The following ASXL1 variants were observed in gnomAD, a reference collection of about 807,000 sequenced individuals.
The protein encoded by ASXL1 is ASXL transcriptional regulator 1.
Under a neutral mutation model 89.1 loss-of-function variants are expected in ASXL1, and 65 were observed. The ratio of observed to expected loss-of-function variants is 0.73; its 90% confidence interval spans 0.60 to 0.90. The LOEUF (loss-of-function observed/expected upper bound fraction) is 0.90. Among genes scored for constraint, ASXL1 ranks in the 40% least tolerant of loss-of-function variants. ASXL1 has a pLI of 0.00. For missense variants in ASXL1, 1,786 were observed against 1,942.9 expected, an observed-to-expected ratio of 0.92 and a Z score of 1.52; for synonymous variants, 739 against 746.9, an observed-to-expected ratio of 0.99 and a Z score of 0.17.
chr20:32,383,783 C>T (rs1028096047), intron 4 of ASXL1, among the ~76,000 whole-genome samples: 2 of 152,188 alleles, frequency 1.3e-5, no homozygotes, highest in Admixed American at 1.3e-4. Flanking sequence ...GGGTGTAAAA[C>T]GCTAGTATCC....
At chr20:32,375,431 A>G (rs2048360838) in intron 4 of ASXL1, among the ~76,000 whole-genome samples, 1 of 149,408 alleles carries the variant, frequency 6.7e-6, no homozygotes, top group Admixed American at 6.8e-5. Flanking sequence ...CCTGGGTGAC[A>G]GAGCAAGACT....
intron 1 of ASXL1, among the ~76,000 whole-genome samples, chr20:32,362,761 GA>G (rs2048142069): frequency 1.3e-5 from 2 of 152,212 alleles, no homozygotes; most frequent in African/African-American, 4.8e-5. Context: ...TTATGCTGTT[GA>G]AAAATAGTCT....
Position 32,435,481 on chromosome 20 carries a change from GCCC to G in ASXL1, c.2771_2773del (p.Pro924del). On this transcript the variant is annotated inframe_deletion, in exon 13 of 13. Transcript: ENST00000375687. ...CCAGAGAACACATACCATCTGTTGA[GCCC>G]CAGGTTGGAGAGGAGTGGGAGAAAG... is the stretch of plus-strand genomic sequence containing the variant. 1 of 1,614,072 alleles carries G rather than the reference GCCC, an allele frequency of 6.2e-7. No individual in the cohort carries two copies. Among genetic ancestry groups the G allele is most frequent in the Non-Finnish European group, 8.5e-7 (1 of 1,180,036 alleles).
intron 4 of ASXL1, among the ~76,000 whole-genome samples, chr20:32,401,835 C>T (rs1230788911): frequency 2.0e-5 from 3 of 152,146 alleles, no homozygotes; most frequent in East Asian, 1.9e-4. Context: ...GGATTACAGG[C>T]GTGAGCCACT....
At chr20:32,372,945 CTT>C (rs71187111) in intron 4 of ASXL1, among the ~76,000 whole-genome samples, 5 of 136,520 alleles carry the variant, frequency 3.7e-5, no homozygotes, top group Non-Finnish European at 3.2e-5. Flanking sequence ...TTTTCTTTTT[CTT>C]TTTTTTTTTT....
At chr20:32,369,910 G>A (rs1043224882) in intron 4 of ASXL1, among the ~76,000 whole-genome samples, 3 of 151,436 alleles carry the variant, frequency 2.0e-5, no homozygotes, top group Non-Finnish European at 2.9e-5. Flanking sequence ...TAGTAGAGAC[G>A]GGGTTTCACC....
intron 4 of ASXL1, among the ~76,000 whole-genome samples, chr20:32,402,495 C>T (rs1414154261): frequency 6.6e-6 from 1 of 152,164 alleles, no homozygotes; most frequent in Non-Finnish European, 1.5e-5. Context: ...ATTGCTGGGT[C>T]GTATGATACA....
intron 4 of ASXL1, among the ~76,000 whole-genome samples, chr20:32,419,987 A>T (rs1040291025): frequency 2.0e-5 from 3 of 151,900 alleles, no homozygotes; most frequent in Admixed American, 6.6e-5. Flanking sequence ...GCTGATGGAT[A>T]AATTTTCTAA....
At chr20:32,384,076 A>G (rs555478344) in intron 4 of ASXL1, among the ~76,000 whole-genome samples, 1 of 150,968 alleles carries the variant, frequency 6.6e-6, no homozygotes, top group South Asian at 2.1e-4. Flanking sequence ...GGCATTTGGT[A>G]TTTACTGGAG....
At chr20:32,424,748 A>G (rs574110660) in intron 4 of ASXL1, among the ~76,000 whole-genome samples, 8 of 152,180 alleles carry the variant, frequency 5.3e-5, no homozygotes, top group Non-Finnish European at 1.5e-5. Context: ...TTAAATGGCT[A>G]TCTGTGGTAG....
In ASXL1 at chr20:32,437,459, TC is replaced by T. The variant is rs1321750750; in HGVS notation, c.*126del. 1 of 1,450,536 alleles carries T rather than the reference TC, an allele frequency of 6.9e-7. No homozygotes were observed. The highest frequency in any genetic ancestry group is 9.6e-7 in the Non-Finnish European group (1 of 1,045,764). 89.9% of individuals were successfully genotyped at this position (1,450,536 alleles called of 1,614,324 possible). On this transcript the variant is annotated 3_prime_UTR_variant, in exon 13 of 13. Transcript: ENST00000375687. ...TCTTTAGGCAGGAGCACTCTTGCCT[TC>T]CCCCAAAATTTACACTGCTAAAGCC...
At chr20:32,362,940 G>A (rs1182985607) in intron 1 of ASXL1, among the ~76,000 whole-genome samples, 3 of 152,026 alleles carry the variant, frequency 2.0e-5, no homozygotes, top group Admixed American at 2.0e-4. Context: ...CCCTGGCTTC[G>A]AGAAACTCTT....
intron 4 of ASXL1, among the ~76,000 whole-genome samples, chr20:32,377,008 G>A (rs551094743): frequency 1.5e-5 from 2 of 136,424 alleles, no homozygotes; most frequent in African/African-American, 2.7e-5. Flanking sequence ...GGCTAAGGTG[G>A]GTGGATCACC....
intron 4 of ASXL1, among the ~76,000 whole-genome samples, chr20:32,375,133 G>GC (rs1193863096): frequency 3.3e-5 from 5 of 152,116 alleles, no homozygotes; most frequent in African/African-American, 1.2e-4. Flanking sequence ...AAGCCACCGT[G>GC]CCCAGCCACC....
In ASXL1 at chr20:32,437,516, C is replaced by A; in HGVS notation, c.*178C>A. ...TCACTTGGCGACCCTTCTGGTCTTG[C>A]TGGAGGGGTTTCCTGGGTATAACCC... On this transcript the variant is annotated 3_prime_UTR_variant, in exon 13 of 13. Transcript: ENST00000375687. 1 of 1,013,998 alleles carries A rather than the reference C, an allele frequency of 9.9e-7. No individual in the cohort carries two copies. The highest frequency in any genetic ancestry group is 1.4e-6 in the Non-Finnish European group (1 of 694,862). The allele number at this position is 1,013,998 out of a possible 1,614,324, so 62.8% of individuals were successfully genotyped here.
intron 4 of ASXL1, among the ~76,000 whole-genome samples, chr20:32,389,759 G>T (rs946138178): frequency 6.6e-6 from 1 of 152,020 alleles, no homozygotes; most frequent in African/African-American, 2.4e-5. Flanking sequence ...GTAGAGACAG[G>T]GTTTCACCAT....
rs953726576 is a variant in ASXL1 at position 32,422,851 on chromosome 20, C to G, written c.253-5277C>G. On this transcript the variant is annotated intron_variant, in intron 4 of 12. Transcript: ENST00000375687. The stretch of plus-strand genomic sequence containing the variant: ...CCACCCGCCTTGGCCTCCCAAAGTG[C>G]TGGGATTGCAGGCATGAGCCACCGT... 3.0e-4 allele frequency among the ~76,000 whole-genome samples: 46 copies of G among 152,120 alleles called. 1 individual carries two copies. Among genetic ancestry groups the G allele is most frequent in the Admixed American group, 1.6e-3 (24 of 15,280 alleles).
At position 32,429,435 on chromosome 20, in the gene ASXL1, T is replaced by G; in HGVS notation, c.565+4T>G. On this transcript the variant is annotated splice_donor_region_variant and intron_variant, in intron 7 of 12. Coordinates refer to ENST00000375687, the MANE Select transcript of ASXL1 (RefSeq NM_015338.6). The surrounding 1 kb of genome is among the most constrained non-coding windows in gnomAD (Gnocchi z 4.9). ...GCCCACGTGGAATCTGCATCAGGTA[T>G]GTGTAAACTCATGGTTGTGATGCTT... 6.2e-7 allele frequency: 1 copy of G among 1,613,126 alleles called. No individual in the cohort carries two copies. The highest frequency in any genetic ancestry group is 8.5e-7 in the Non-Finnish European group (1 of 1,179,096).
At position 32,434,608 on chromosome 20, in the gene ASXL1, CCA is replaced by C; in HGVS notation, c.1897_1898del (p.His633Ter). On this transcript the variant is annotated frameshift_variant, in exon 13 of 13. Coordinates refer to ENST00000375687, the MANE Select transcript of ASXL1 (RefSeq NM_015338.6). LOFTEE classifies it low-confidence loss of function (END_TRUNC). ...QVRGARGHHC[H>X]REAATTAIGG... ...TCCGAGGGGCGAGAGGTCACCACTG[CCA>C]TAGAGAGGCGGCCACCACTGCCATC... 1 of 1,611,622 alleles carries C rather than the reference CCA, an allele frequency of 6.2e-7. No individual in the cohort carries two copies. Among genetic ancestry groups the C allele is most frequent in the Non-Finnish European group, 8.5e-7 (1 of 1,178,902 alleles).
Sources: gnomAD v4.1 joint callset for allele counts (sites outside exome capture counted in the v4.1 genomes callset) on GRCh38, gnomAD v4.1.1 for gene constraint, Gnocchi (gnomAD v3.1) non-coding constraint, MANE v1.5 for transcripts, NCBI Gene and HGNC (gene_info 2026-07-23, HGNC 2026-07-21) for gene names.